Variants in HERC5 observed in about 807,000 individuals in gnomAD.
The protein encoded by HERC5 is E3 ISG15--protein ligase HERC5.
A neutral mutation model predicts 119.6 loss-of-function variants in HERC5; 99 were observed. The observed-to-expected ratio is 0.83, with a 90% confidence interval of 0.70 to 0.98. HERC5 has a LOEUF of 0.98. HERC5 is among the 50% of genes least tolerant of loss of function. The probability of loss-of-function intolerance (pLI) is 0.00; values close to 1 mark genes in which losing one functional copy is unlikely to be tolerated. For missense variants in HERC5, 1,267 were observed against 1,241.3 expected (o/e 1.02, Z -0.31); for synonymous variants, 478 against 445.9 (o/e 1.07, Z -0.91).
In HERC5 at chr4:88,457,221, C is replaced by T. The variant is rs1450154300; in HGVS notation, c.-49C>T. On this transcript the variant is annotated 5_prime_UTR_variant, in exon 1 of 23. Coordinates refer to ENST00000264350, the MANE Select transcript of HERC5 (RefSeq NM_016323.4). ...CAGTGGGCGCGCTCAGTCCCGGGAC[C>T]AGGCGTTCTCTCCTCTCGCCTCTGG... 1.0e-5 allele frequency: 13 copies of T among 1,268,512 alleles called. No individual in the cohort carries two copies. Among genetic ancestry groups the T allele is most frequent in the African/African-American group, 6.2e-5 (4 of 64,488 alleles). 78.6% of individuals were successfully genotyped at this position (1,268,512 alleles called of 1,614,324 possible).
Position 88,505,677 on chromosome 4 carries a change from T to A in HERC5, c.2874T>A (p.Phe958Leu). The A allele has an allele frequency of 1.3e-6, 2 of 1,524,074 alleles. No individual in the cohort carries two copies. The highest frequency in any genetic ancestry group is 1.8e-6 in the Non-Finnish European group (2 of 1,106,316). The allele number at this position is 1,524,074 out of a possible 1,614,324, so 94.4% of individuals were successfully genotyped here. A position where few individuals can be genotyped will look rare whatever the true frequency, so the allele number is the denominator to read the frequency against. The change falls in exon 23 of 23, where the codon TTT (phenylalanine) becomes TTA (leucine). Residue 958 changes from phenylalanine (F) to leucine (L), a missense_variant. This residue lies in a region of HERC5 where 473 missense variants were observed against 445.7 expected (regional missense o/e 1.06). Transcript: ENST00000264350. Reference protein sequence around the residue: ...TLEEKKKFLVFLTGTDRLQMK... With the variant: ...TLEEKKKFLVLLTGTDRLQMK... ...TAATTTTATTCTTCTTTTTAGTATT[T>A]CTTACAGGAACTGACAGACTACAAA...
In HERC5 at chr4:88,487,096, G is replaced by A. The variant is rs148569726; in HGVS notation, c.1879G>A (p.Val627Ile). The change falls in exon 15 of 23, where the codon GTC becomes ATC. Residue 627 changes from valine to isoleucine, a missense_variant. Val to Ile is a conservative substitution (Grantham distance 29). Coordinates refer to ENST00000264350, the MANE Select transcript of HERC5 (RefSeq NM_016323.4). ...VDASENVQCC[V>I]IFSHFPFIFN... ...CGCTTCAGAAAATGTACAATGCTGC[G>A]TCATATTCAGTCACTTTCCATTTAT... The A allele has an allele frequency of 7.0e-5, 112 of 1,610,894 alleles. No individual in the cohort carries two copies. Among genetic ancestry groups the A allele is most frequent in the Non-Finnish European group, 8.7e-5 (103 of 1,178,222 alleles).
chr4:88,468,544 C>A, intron 8 of HERC5, 122 bp downstream of exon 8: 1 of 600,282 alleles, frequency 1.7e-6, no homozygotes. Context: ...TGGGGGATAG[C>A]TGGACATTAC....
intron 13 of HERC5, among the ~76,000 whole-genome samples, chr4:88,480,062 G>C (rs1158762027): frequency 1.7e-5 from 2 of 115,098 alleles, no homozygotes; most frequent in East Asian, 6.4e-4. Context: ...GCGAGACTCC[G>C]TCTCAAAAAA....
At chr4:88,485,606 C>T (rs1741429644) in intron 13 of HERC5, among the ~76,000 whole-genome samples, 1 of 152,166 alleles carries the variant, frequency 6.6e-6, no homozygotes, top group Admixed American at 6.5e-5. Flanking sequence ...TCTGAAGTGT[C>T]TAGTGTCATT....
chr4:88,483,151 A>G (rs939630864), intron 13 of HERC5, among the ~76,000 whole-genome samples: 2 of 152,100 alleles, frequency 1.3e-5, no homozygotes, highest in Admixed American at 6.6e-5. Flanking sequence ...ATTTTTTTTC[A>G]TGGACTATTC....
At chr4:88,471,125 C>T (rs1412276134) in intron 10 of HERC5, among the ~76,000 whole-genome samples, 1 of 151,404 alleles carries the variant, frequency 6.6e-6, no homozygotes, top group Non-Finnish European at 1.5e-5. Flanking sequence ...CATGGCACTA[C>T]ACCCAGCTAA....
Position 88,470,680 on chromosome 4 carries a change from T to C in HERC5, c.1298+7T>C, listed in dbSNP as rs1349564994. The C allele has an allele frequency of 2.4e-6, 3 of 1,240,270 alleles. No homozygotes were observed. Among genetic ancestry groups the C allele is most frequent in the South Asian group, 2.5e-5 (2 of 80,478 alleles). 76.8% of individuals were successfully genotyped at this position (1,240,270 alleles called of 1,614,324 possible). The stretch of plus-strand genomic sequence containing the variant: ...GAAGTTTTTTAAGGAAAAGGTAATA[T>C]ATGTAATAAATTAATTGTATTAAAT... On this transcript the variant is annotated splice_region_variant and intron_variant, in intron 10 of 22. Coordinates refer to ENST00000264350, the MANE Select transcript of HERC5 (RefSeq NM_016323.4).
Position 88,505,874 on chromosome 4 carries a change from G to A in HERC5, c.3071G>A (p.Gly1024Asp), listed in dbSNP as rs755513470. 11 of 1,605,654 alleles carry A rather than the reference G, an allele frequency of 6.9e-6. No homozygotes were observed. Among genetic ancestry groups the A allele is most frequent in the Non-Finnish European group, 8.5e-6 (10 of 1,176,176 alleles). ...QEAINNNRGF[G>D] The stretch of plus-strand genomic sequence containing the variant: ...GCCATCAACAACAACAGAGGATTTG[G>A]CTGACCAGCTTGCTTGTCCAACAGC... The change falls in exon 23 of 23, where the codon GGC becomes GAC. Residue 1024 changes from glycine (G) to aspartate (D), a missense_variant. By Grantham distance (94) the Gly-to-Asp change is moderately conservative. Around this residue, in one of 3 missense-constraint regions of HERC5, gnomAD observed 473 missense variants for 445.7 expected, o/e 1.06. Coordinates refer to ENST00000264350, the MANE Select transcript of HERC5 (RefSeq NM_016323.4).
At chr4:88,498,941 C>T (rs538456969) in intron 18 of HERC5, among the ~76,000 whole-genome samples, 1 of 152,292 alleles carries the variant, frequency 6.6e-6, no homozygotes, top group South Asian at 2.1e-4. Flanking sequence ...AGTTCACCGC[C>T]TTCCCCACAA....
chr4:88,500,077 TAA>T, intron 19 of HERC5, 85 bp downstream of exon 19: 6 of 725,844 alleles, frequency 8.3e-6, no homozygotes, highest in Non-Finnish European at 1.3e-5. Context: ...AACTTTTACT[TAA>T]AAAAAAAACC....
intron 6 of HERC5, among the ~76,000 whole-genome samples, chr4:88,466,089 G>GT (rs1299764703): frequency 0.029 from 4,036 of 140,500 alleles, 61 homozygotes; most frequent in Non-Finnish European, 0.042. Context: ...TGGTTTGGTG[G>GT]TTTTTTTTTT....
At chr4:88,501,552 CAA>C (rs1429212164) in intron 20 of HERC5, among the ~76,000 whole-genome samples, 1 of 152,078 alleles carries the variant, frequency 6.6e-6, no homozygotes, top group East Asian at 1.9e-4. Flanking sequence ...GTCAGAGTGG[CAA>C]AGAGATCTCT....
At chr4:88,500,085 A>C (rs1741904751) in intron 19 of HERC5, 93 bp downstream of exon 19, 1 of 765,192 alleles carries the variant, frequency 1.3e-6, no homozygotes, top group African/African-American at 1.8e-5. Context: ...CTTAAAAAAA[A>C]AACCTGAATA....
Position 88,459,327 on chromosome 4 carries a change from TG to T in HERC5, c.266-18del. 1 of 1,540,902 alleles carries T rather than the reference TG, an allele frequency of 6.5e-7. No homozygotes were observed. The highest frequency in any genetic ancestry group is 8.7e-7 in the Non-Finnish European group (1 of 1,150,214). ...TAATAATCAAAGTGACAATAGTTCC[TG>T]GTTGGATTTGCTCTGTAGAATGCAT... is the stretch of plus-strand genomic sequence containing the variant. On this transcript the variant is annotated intron_variant, in intron 1 of 22. Transcript: ENST00000264350.
intron 13 of HERC5, among the ~76,000 whole-genome samples, chr4:88,484,344 T>C (rs541675140): frequency 3.2e-4 from 48 of 152,322 alleles, no homozygotes; most frequent in African/African-American, 1.1e-3. Context: ...GATTTGTGTA[T>C]GTGTGAGAGC....
intron 13 of HERC5, among the ~76,000 whole-genome samples, 153 bp from the exon 14 acceptor site, chr4:88,485,962 T>TG (rs1741446404): frequency 6.6e-6 from 1 of 152,172 alleles, no homozygotes; most frequent in Non-Finnish European, 1.5e-5. Flanking sequence ...CATGAAAATT[T>TG]GGGGCTCTGG....
intron 15 of HERC5, among the ~76,000 whole-genome samples, chr4:88,488,496 T>G (rs931956839): frequency 9.2e-5 from 14 of 152,134 alleles, no homozygotes; most frequent in African/African-American, 3.4e-4. Context: ...CCTCCCAAAC[T>G]GCTGGGATTA....
intron 13 of HERC5, among the ~76,000 whole-genome samples, chr4:88,483,519 CTT>C (rs1162985782): frequency 6.0e-5 from 5 of 83,178 alleles, no homozygotes; most frequent in East Asian, 3.3e-4. Flanking sequence ...GCTCTATAGG[CTT>C]TTTTTTTTTT....
Sources: gnomAD v4.1 joint callset for allele counts (sites outside exome capture counted in the v4.1 genomes callset) on GRCh38, gnomAD v4.1.1 for gene constraint, gnomAD v4.1.1 regional missense constraint, MANE v1.5 for transcripts, NCBI Gene and HGNC (gene_info 2026-07-23, HGNC 2026-07-21) for gene names.